EIF3A: variants seen among roughly 807,000 people sequenced by gnomAD.
The protein encoded by EIF3A is EIF3, p180 subunit.
In EIF3A, 21 loss-of-function variants were observed where a neutral mutation model predicts 186.6. The observed-to-expected ratio is 0.11, with a 90% CI of 0.08 to 0.16. The LOEUF (loss-of-function observed/expected upper bound fraction) is 0.16, where lower values mean the gene tolerates loss of function less well. EIF3A is among the 10% of genes least tolerant of loss of function. EIF3A has a pLI of 1.00. For missense variants in EIF3A, 1,306 were observed against 1,796.3 expected (o/e 0.73, Z 4.93); for synonymous variants, 563 against 584.3 (o/e 0.96, Z 0.52).
chr10:119,069,308 G>T (rs746097107), intron 6 of EIF3A, 138 bp downstream of exon 6: 7 of 618,542 alleles, frequency 1.1e-5, no homozygotes, highest in African/African-American at 1.8e-5. Flanking sequence ...ACACAAGACA[G>T]CCCCATGACT....
chr10:119,057,365 A>G (rs1843798056), intron 12 of EIF3A, among the ~76,000 whole-genome samples: 1 of 152,216 alleles, frequency 6.6e-6, no homozygotes. Context: ...CACAAGTGTA[A>G]AATTCCACAC....
rs1178068792 is a variant in EIF3A at position 119,074,944 on chromosome 10, G to GA, written c.50-1008dup. ...AAAAAAAAAAAAAAAAAAAAAAAGG[G>GA]AAAAAAATGGAATACAAAGCAAAAT... is the stretch of plus-strand genomic sequence containing the variant. On this transcript the variant is annotated intron_variant, in intron 1 of 21. Transcript: ENST00000369144. 1.1e-3 allele frequency among the ~76,000 whole-genome samples: 125 copies of GA among 116,638 alleles called. 1 individual carries two copies. The highest frequency in any genetic ancestry group is 3.5e-3 in the African/African-American group (115 of 33,246). The allele number at this position is 116,638 out of a possible 152,430, so 76.5% of individuals were successfully genotyped here. A position where few individuals can be genotyped will look rare whatever the true frequency, so the allele number is the denominator to read the frequency against.
intron 4 of EIF3A, among the ~76,000 whole-genome samples, chr10:119,071,667 G>A (rs1175733472): frequency 6.6e-6 from 1 of 152,106 alleles, no homozygotes; most frequent in South Asian, 2.1e-4. Flanking sequence ...AAACAGAGAT[G>A]CAGTTTAACT....
chr10:119,037,777 C>A (rs1325537621), intron 20 of EIF3A, among the ~76,000 whole-genome samples: 1 of 152,168 alleles, frequency 6.6e-6, no homozygotes. Context: ...AGAAAACTGA[C>A]TGCCCTAAAC....
At chr10:119,054,932 G>A (rs933790987) in intron 14 of EIF3A, among the ~76,000 whole-genome samples, 5 of 151,570 alleles carry the variant, frequency 3.3e-5, no homozygotes, top group African/African-American at 1.2e-4. Flanking sequence ...CTCAGGAGCT[G>A]GGCACAGTGG....
At chr10:119,057,700 G>A (rs571175142) in intron 12 of EIF3A, among the ~76,000 whole-genome samples, 5 of 152,166 alleles carry the variant, frequency 3.3e-5, no homozygotes, top group African/African-American at 4.8e-5. Context: ...ACTTGAACCC[G>A]GGAGGCGGAG....
chr10:119,072,432 GGTTTT>G (rs59846549), intron 4 of EIF3A, among the ~76,000 whole-genome samples: 52,997 of 149,876 alleles, frequency 0.35, 9,562 homozygotes, highest in East Asian at 0.44. Flanking sequence ...CAGTCATTTT[GGTTTT>G]GTTTTGTTTT....
chr10:119,037,342 T>C, intron 20 of EIF3A, 33 bp from the exon 21 acceptor site: 1 of 1,589,586 alleles, frequency 6.3e-7, no homozygotes, highest in South Asian at 1.1e-5. Flanking sequence ...GTCAGGTTCT[T>C]ACTGTTAGAC....
chr10:119,037,086 C>A, intron 21 of EIF3A, 33 bp downstream of exon 21: 6 of 477,152 alleles, frequency 1.3e-5, no homozygotes, highest in East Asian at 6.5e-5. Flanking sequence ...AACGACAGTT[C>A]TCCAATACTT....
intron 14 of EIF3A, among the ~76,000 whole-genome samples, chr10:119,054,882 CATTGTGGA>C (rs1282711202): frequency 1.3e-5 from 2 of 152,118 alleles, no homozygotes; most frequent in East Asian, 3.9e-4. Flanking sequence ...ACTTAAAAGC[CATTGTGGA>C]ATTGTTAATT....
At chr10:119,055,654 T>C (rs1843766117) in intron 14 of EIF3A, among the ~76,000 whole-genome samples, 2 of 152,124 alleles carry the variant, frequency 1.3e-5, no homozygotes, top group South Asian at 4.1e-4. Context: ...GGAGAATCGT[T>C]TGAGCCCAGG....
In EIF3A at chr10:119,037,469, T is replaced by C. The variant is rs1464411555; in HGVS notation, c.3729-160A>G. ...TGATGCCTGGGGCGTGGAGAACAAATGAGAACACCCAGATCTGTGCCGTCC... is the reference window on the plus strand; with the variant it reads ...TGATGCCTGGGGCGTGGAGAACAAACGAGAACACCCAGATCTGTGCCGTCC... On this transcript the variant is annotated intron_variant, in intron 20 of 21. Coordinates refer to ENST00000369144, the MANE Select transcript of EIF3A (RefSeq NM_003750.4). Among the ~76,000 whole-genome samples the C allele has an allele frequency of 2.6e-5, 4 of 152,138 alleles. 1 individual carries two copies. The highest frequency in any genetic ancestry group is 4.1e-4 in the South Asian group (2 of 4,826).
rs369661440 is a variant in EIF3A, at chr10:119,042,528, G to A, written c.2992C>T (p.Pro998Ser). The A allele has an allele frequency of 8.1e-6, 13 of 1,613,954 alleles. No homozygotes were observed. The South Asian group carries it at 1.1e-4, about 14-fold the overall frequency. The change falls in exon 19 of 22, where the codon CCC (proline) becomes TCC (serine). Residue 998 changes from proline (P) to serine (S), a missense_variant. Physicochemically the swap from Pro to Ser is moderately conservative, Grantham distance 74. Coordinates refer to ENST00000369144, the MANE Select transcript of EIF3A (RefSeq NM_003750.4). The surrounding 1 kb of genome is among the most constrained non-coding windows in gnomAD (Gnocchi z 7.8). ...SWRNTDDDRP[P>S]RRIADEDRGN... ...CTGTCTTCATCGGCAATTCGTCTGGGAGGCCTGTCATCATCTGTGTTACGC... is the reference window on the plus strand; with the variant it reads ...CTGTCTTCATCGGCAATTCGTCTGGAAGGCCTGTCATCATCTGTGTTACGC...
rs541720445 is a variant in EIF3A, at chr10:119,036,202, C to T, written c.3986G>A (p.Arg1329Gln). ...DRVEERDPPR[R>Q]VPPPALSRDR... ...TCTTGAAAGAGCTGGGGGAGGAACTCGACGAGGAGGGTCCCGCTCTTCCAC... is the reference window on the plus strand; with the variant it reads ...TCTTGAAAGAGCTGGGGGAGGAACTTGACGAGGAGGGTCCCGCTCTTCCAC... The change falls in exon 22 of 22, where the codon CGA becomes CAA. Residue 1329 changes from arginine to glutamine, a missense_variant. Physicochemically the swap from Arg to Gln is conservative, Grantham distance 43 (BLOSUM62 1). Around this residue, in one of 8 missense-constraint regions of EIF3A, gnomAD observed 331 missense variants for 365.8 expected, o/e 0.90. Transcript: ENST00000369144. The T allele has an allele frequency of 2.5e-6, 4 of 1,613,622 alleles. No individual in the cohort carries two copies. Among genetic ancestry groups the T allele is most frequent in the Non-Finnish European group, 3.4e-6 (4 of 1,179,942 alleles).
At chr10:119,064,187 T>C (rs911750876) in intron 7 of EIF3A, among the ~76,000 whole-genome samples, 10 of 152,338 alleles carry the variant, frequency 6.6e-5, no homozygotes, top group African/African-American at 2.4e-4. Flanking sequence ...ACATACAATT[T>C]CACTGAATAA....
rs767588363 is a variant in EIF3A at position 119,036,175 on chromosome 10, T to C, written c.4013A>G (p.Asp1338Gly). Reference protein sequence around the residue: ...RRVPPPALSRDRERDRDRERE... With the variant: ...RRVPPPALSRGRERDRDRERE... The stretch of plus-strand genomic sequence containing the variant: ...TTCTCGGTCTCGGTCTCTTTCTCGG[T>C]CTCTTGAAAGAGCTGGGGGAGGAAC... Residue 1338 changes from aspartate (D) to glycine (G), a missense_variant, in exon 22 of 22, where the codon GAC (aspartate) becomes GGC (glycine). Around this residue, in one of 8 missense-constraint regions of EIF3A, gnomAD observed 331 missense variants for 365.8 expected, o/e 0.90. Coordinates refer to ENST00000369144, the MANE Select transcript of EIF3A (RefSeq NM_003750.4). 1 of 1,613,774 alleles carries C rather than the reference T, an allele frequency of 6.2e-7. No homozygotes were observed. The highest frequency in any genetic ancestry group is 8.5e-7 in the Non-Finnish European group (1 of 1,179,802).
At position 119,069,732 on chromosome 10, in the gene EIF3A, A is replaced by C. The variant is rs1213932181; in HGVS notation, c.742-78T>G. ...TCTAATTCAAATTTCTATGAAACCT[A>C]CAACACAGAAAACATAAAAATAGCA... is the stretch of plus-strand genomic sequence containing the variant. On this transcript the variant is annotated intron_variant, in intron 5 of 21. Transcript: ENST00000369144. 50 of 756,430 alleles carry C rather than the reference A, an allele frequency of 6.6e-5. 1 individual carries two copies. The highest frequency in any genetic ancestry group is 4.6e-6 in the Non-Finnish European group (2 of 430,128). 46.9% of individuals were successfully genotyped at this position (756,430 alleles called of 1,614,324 possible).
At chr10:119,037,056 C>A (rs1038617030) in intron 21 of EIF3A, 63 bp downstream of exon 21, 3 of 977,224 alleles carry the variant, frequency 3.1e-6, no homozygotes, top group African/African-American at 1.9e-5. Context: ...TTAAATAACC[C>A]AAATCCCCCC....
chr10:119,070,387 T>A (rs943250141), intron 5 of EIF3A, among the ~76,000 whole-genome samples: 1 of 152,116 alleles, frequency 6.6e-6, no homozygotes, highest in African/African-American at 2.4e-5. Flanking sequence ...AAACAATCAG[T>A]AGTAAAGGAT....
Sources: gnomAD v4.1 joint callset for allele counts (sites outside exome capture counted in the v4.1 genomes callset) on GRCh38, gnomAD v4.1.1 for gene constraint, gnomAD v4.1.1 regional missense constraint, Gnocchi (gnomAD v3.1) non-coding constraint, MANE v1.5 for transcripts, NCBI Gene and HGNC (gene_info 2026-07-23, HGNC 2026-07-21) for gene names.